The following ZNF385D variants were observed in gnomAD, a reference collection of about 807,000 sequenced individuals.
ZNF385D encodes zinc finger protein 659.
ZNF385D carries 15 observed loss-of-function variants against 35.8 expected under a neutral mutation model. The observed-to-expected ratio is 0.42, with a 90% CI of 0.28 to 0.64. The LOEUF (loss-of-function observed/expected upper bound fraction) is 0.64, where lower values mean the gene tolerates loss of function less well. Ranked by LOEUF, ZNF385D falls within the 30% of genes least tolerant of loss-of-function variation. The pLI is 0.23. For missense variants in ZNF385D, 474 were observed against 494.6 expected, an observed-to-expected ratio of 0.96 and a Z score of 0.39; for synonymous variants, 212 against 186.8, an observed-to-expected ratio of 1.13 and a Z score of -1.10.
intron 2 of ZNF385D, among the ~76,000 whole-genome samples, chr3:22,219,921 T>C (rs1258165010): frequency 1.3e-5 from 2 of 152,246 alleles, no homozygotes; most frequent in South Asian, 2.1e-4. Context: ...TCTCAGATCC[T>C]CTTTTCTCAA....
intron 3 of ZNF385D, among the ~76,000 whole-genome samples, chr3:22,023,025 T>C (rs1576170369): frequency 6.6e-6 from 1 of 152,168 alleles, no homozygotes; most frequent in Non-Finnish European, 1.5e-5. Flanking sequence ...CAGTTCTCTG[T>C]TCCTTAAAAA....
intron 1 of ZNF385D, among the ~76,000 whole-genome samples, chr3:21,739,601 T>C (rs2069412239): frequency 6.6e-6 from 1 of 152,140 alleles, no homozygotes; most frequent in South Asian, 2.1e-4. Context: ...AAAAAAACAT[T>C]AGTATTGATG....
intron 1 of ZNF385D, among the ~76,000 whole-genome samples, chr3:21,713,844 C>T (rs942418843): frequency 6.6e-6 from 1 of 152,168 alleles, no homozygotes; most frequent in African/African-American, 2.4e-5. Context: ...ACATCCTATT[C>T]TTCAAACACC....
intron 2 of ZNF385D, among the ~76,000 whole-genome samples, chr3:22,175,695 T>C (rs977414672): frequency 6.6e-6 from 1 of 151,768 alleles, no homozygotes; most frequent in Non-Finnish European, 1.5e-5. Context: ...GTATTAGGAT[T>C]TAGAGAGTAT....
At chr3:21,789,599 C>A (rs76239183) in intron 3 of ZNF385D, among the ~76,000 whole-genome samples, 10,879 of 152,154 alleles carry the variant, frequency 0.071, 543 homozygotes, top group South Asian at 0.12. Context: ...CTTTTAACTG[C>A]CTTACTGCAA....
chr3:21,897,913 TTTG>T (rs1433608100), intron 3 of ZNF385D, among the ~76,000 whole-genome samples: 15 of 152,276 alleles, frequency 9.9e-5, no homozygotes, highest in African/African-American at 2.2e-4. Context: ...ATTTATTATT[TTTG>T]TTGTTATTTG....
intron 3 of ZNF385D, among the ~76,000 whole-genome samples, chr3:21,790,786 C>T (rs1325737110): frequency 6.6e-6 from 1 of 152,174 alleles, no homozygotes; most frequent in Admixed American, 6.5e-5. Flanking sequence ...AGCATATGCT[C>T]AGATTTTCTT....
At chr3:21,841,590 T>C (rs9860503) in intron 3 of ZNF385D, among the ~76,000 whole-genome samples, 32,042 of 151,852 alleles carry the variant, frequency 0.21, 3,570 homozygotes, top group Admixed American at 0.26. Context: ...AATTTTCCAT[T>C]TTTGTGAATA....
intron 3 of ZNF385D, among the ~76,000 whole-genome samples, chr3:22,022,486 C>T (rs1489434057): frequency 6.6e-5 from 10 of 152,022 alleles, no homozygotes; most frequent in Admixed American, 5.9e-4. Context: ...AATAACATAC[C>T]ACTCTATGAT....
intron 3 of ZNF385D, among the ~76,000 whole-genome samples, chr3:22,048,229 A>G (rs1699125430): frequency 6.6e-6 from 1 of 151,752 alleles, no homozygotes; most frequent in Non-Finnish European, 1.5e-5. Context: ...TCCTATGCAG[A>G]ATTTTTTTTA....
chr3:21,712,568 T>G (rs1022637082), intron 1 of ZNF385D, among the ~76,000 whole-genome samples: 2 of 152,212 alleles, frequency 1.3e-5, no homozygotes, highest in Non-Finnish European at 2.9e-5. Context: ...AAAAAGTCTG[T>G]CACTTGTAAC....
intron 3 of ZNF385D, among the ~76,000 whole-genome samples, chr3:22,104,112 G>GTATT (rs2125630596): frequency 6.6e-6 from 1 of 152,190 alleles, no homozygotes; most frequent in South Asian, 2.1e-4. Context: ...AGGTGTCCAT[G>GTATT]TATTATTCAA....
intron 2 of ZNF385D, among the ~76,000 whole-genome samples, chr3:22,207,985 G>C (rs544885059): frequency 6.6e-6 from 1 of 152,016 alleles, no homozygotes; most frequent in Admixed American, 6.6e-5. Context: ...GGATGGGAAT[G>C]TAAATTAGTA....
chr3:22,295,560 G>A (rs1702527733), intron 2 of ZNF385D, among the ~76,000 whole-genome samples: 1 of 152,148 alleles, frequency 6.6e-6, no homozygotes, highest in African/African-American at 2.4e-5. Context: ...ATATATGACA[G>A]CATATAAACT....
At position 21,773,298 on chromosome 3, in the gene ZNF385D, C is replaced by G. The variant is rs772181446; in HGVS notation, c.326-108270G>C. Among the ~76,000 whole-genome samples, 63 of 151,796 alleles carry G rather than the reference C, an allele frequency of 4.2e-4. 1 individual carries two copies. Among genetic ancestry groups the G allele is most frequent in the South Asian group, 1.2e-3 (6 of 4,826 alleles). On this transcript the variant is annotated intron_variant, in intron 3 of 5. Transcript: ENST00000494108. Reference sequence around the variant, plus strand: ...TTTGTGCTTTTATACCTGGAAAGTTCAAGCCTCTTAGTCTTCTCTTTGGAA... The same window carrying G: ...TTTGTGCTTTTATACCTGGAAAGTTGAAGCCTCTTAGTCTTCTCTTTGGAA...
At chr3:21,733,674 T>C (rs571854582) in intron 1 of ZNF385D, among the ~76,000 whole-genome samples, 11 of 152,316 alleles carry the variant, frequency 7.2e-5, no homozygotes, top group Admixed American at 6.5e-4. Context: ...ACTGCAAGTG[T>C]ATAAATTTAT....
intron 2 of ZNF385D, among the ~76,000 whole-genome samples, chr3:21,588,930 G>A (rs6781314): frequency 0.91 from 138,038 of 152,218 alleles, 62,787 homozygotes; most frequent in African/African-American, 0.97. Flanking sequence ...CACTCAATTA[G>A]TATTACTGAG....
chr3:21,962,808 G>C (rs962417389), intron 3 of ZNF385D, among the ~76,000 whole-genome samples: 2 of 152,072 alleles, frequency 1.3e-5, no homozygotes, highest in Non-Finnish European at 2.9e-5. Flanking sequence ...TTCCTGATGA[G>C]GGAACATTAA....
chr3:21,896,909 G>A (rs1343606021), intron 3 of ZNF385D, among the ~76,000 whole-genome samples: 1 of 151,758 alleles, frequency 6.6e-6, no homozygotes, highest in African/African-American at 2.4e-5. Flanking sequence ...ACTTCTAGAA[G>A]TCATTGTAGG....
Sources: gnomAD v4.1 joint callset for allele counts (sites outside exome capture counted in the v4.1 genomes callset) on GRCh38, gnomAD v4.1.1 for gene constraint, MANE v1.5 for transcripts, NCBI Gene and HGNC (gene_info 2026-07-23, HGNC 2026-07-21) for gene names.